Variants in CDK14 observed in about 807,000 individuals in gnomAD.
CDK14 encodes cyclin-dependent kinase 14.
A neutral mutation model predicts 60.7 loss-of-function variants in CDK14; 34 were observed. The ratio of observed to expected loss-of-function variants is 0.56; its 90% CI spans 0.43 to 0.75. CDK14 has a LOEUF of 0.75. Among genes scored for constraint, CDK14 ranks in the 30% least tolerant of loss-of-function variants. CDK14 has a pLI of 0.00. For synonymous variants in CDK14, 197 were observed against 203.7 expected, an observed-to-expected ratio of 0.97 and a Z score of 0.28; for missense variants, 482 against 564.1, an observed-to-expected ratio of 0.85 and a Z score of 1.47.
intron 12 of CDK14, among the ~76,000 whole-genome samples, chr7:91,082,547 G>A (rs896295768): frequency 6.6e-6 from 1 of 152,058 alleles, no homozygotes; most frequent in Non-Finnish European, 1.5e-5. Flanking sequence ...TTTAAACAAA[G>A]GTACCTTTCT....
In CDK14 at chr7:91,076,696, A is replaced by G. The variant is rs189042779; in HGVS notation, c.1106-2736A>G. 7.2e-5 allele frequency among the ~76,000 whole-genome samples: 11 copies of G among 152,268 alleles called. No individual in the cohort carries two copies. In the East Asian group the frequency reaches 1.9e-3, roughly 27 times the overall value. On this transcript the variant is annotated intron_variant, in intron 11 of 14. Coordinates refer to ENST00000380050, the MANE Select transcript of CDK14 (RefSeq NM_001287135.2). The stretch of plus-strand genomic sequence containing the variant: ...GCTTCTGCACAGCAAAAGAATGAAT[A>G]GAGTGAACAGAATGAACAGGCAACA...
intron 2 of CDK14, among the ~76,000 whole-genome samples, chr7:90,688,109 G>A (rs920523024): frequency 9.8e-5 from 15 of 152,306 alleles, no homozygotes; most frequent in African/African-American, 3.4e-4. Flanking sequence ...AAGGCTCTAA[G>A]GGAAGTATTA....
chr7:90,892,010 A>G (rs955073459), intron 6 of CDK14, among the ~76,000 whole-genome samples: 2 of 152,248 alleles, frequency 1.3e-5, no homozygotes, highest in African/African-American at 2.4e-5. Context: ...AAAGAGAAAC[A>G]TAAGCACTTA....
At chr7:91,075,717 C>T (rs923276525) in intron 11 of CDK14, among the ~76,000 whole-genome samples, 11 of 152,290 alleles carry the variant, frequency 7.2e-5, no homozygotes, top group African/African-American at 2.6e-4. Flanking sequence ...ATTTAGAAAA[C>T]CCTATTGTAT....
intron 6 of CDK14, among the ~76,000 whole-genome samples, chr7:90,893,423 G>A (rs763593622): frequency 6.6e-6 from 1 of 152,188 alleles, no homozygotes; most frequent in Non-Finnish European, 1.5e-5. Context: ...GAAATAGCCA[G>A]AGATCAAGCC....
chr7:91,034,070 T>G (rs1796841419), intron 10 of CDK14, among the ~76,000 whole-genome samples: 1 of 152,366 alleles, frequency 6.6e-6, no homozygotes, highest in African/African-American at 2.4e-5. Flanking sequence ...ATTTATTTGT[T>G]ATCCTCGACT....
At chr7:90,610,620 C>T (rs1799520178) in intron 2 of CDK14, among the ~76,000 whole-genome samples, 1 of 152,206 alleles carries the variant, frequency 6.6e-6, no homozygotes, top group African/African-American at 2.4e-5. Flanking sequence ...AGAGTTGGTT[C>T]TTTCAGAGGA....
chr7:90,922,072 TG>T (rs2117437245), intron 8 of CDK14, among the ~76,000 whole-genome samples: 1 of 152,298 alleles, frequency 6.6e-6, no homozygotes, highest in Admixed American at 6.5e-5. Flanking sequence ...ACATAGCCTC[TG>T]GATAAAAGCT....
intron 13 of CDK14, among the ~76,000 whole-genome samples, chr7:91,117,122 C>T (rs531159291): frequency 1.4e-5 from 2 of 147,696 alleles, no homozygotes; most frequent in African/African-American, 5.0e-5. Flanking sequence ...CAAAACTGAA[C>T]TCATCTTTCC....
At chr7:90,813,831 T>C (rs1237960485) in intron 5 of CDK14, among the ~76,000 whole-genome samples, 2 of 152,206 alleles carry the variant, frequency 1.3e-5, no homozygotes, top group Non-Finnish European at 2.9e-5. Flanking sequence ...ATCTGAGTTA[T>C]GGCATTGGTT....
chr7:91,097,524 A>AT (rs890709838), intron 12 of CDK14, among the ~76,000 whole-genome samples: 20 of 151,504 alleles, frequency 1.3e-4, no homozygotes, highest in Non-Finnish European at 2.2e-4. Context: ...CACTAATAAG[A>AT]TTTTTTTTTG....
chr7:90,665,569 AATG>A (rs1228349247), intron 2 of CDK14, among the ~76,000 whole-genome samples: 2 of 152,202 alleles, frequency 1.3e-5, no homozygotes, highest in Admixed American at 1.3e-4. Flanking sequence ...CAATAGGAGA[AATG>A]ATGATAGAGT....
At chr7:91,182,371 T>G (rs182546500) in intron 14 of CDK14, among the ~76,000 whole-genome samples, 7 of 151,114 alleles carry the variant, frequency 4.6e-5, no homozygotes, top group Admixed American at 6.6e-5. Context: ...GATAGATAGG[T>G]TTTTTTTTCT....
intron 5 of CDK14, among the ~76,000 whole-genome samples, chr7:90,807,007 G>GGGCT (rs763560981): frequency 1.3e-5 from 2 of 152,216 alleles, no homozygotes; most frequent in East Asian, 3.9e-4. Flanking sequence ...AGCTCAAGGA[G>GGGCT]GCCTGCCTGC....
At chr7:90,726,279 C>T in intron 2 of CDK14, 4 of 982,094 alleles carry the variant, frequency 4.1e-6, no homozygotes, top group Non-Finnish European at 3.6e-6. Context: ...AAACGTGTGA[C>T]AGAGTTCAAG....
intron 8 of CDK14, among the ~76,000 whole-genome samples, chr7:90,937,349 C>G (rs1793786625): frequency 6.6e-6 from 1 of 151,984 alleles, no homozygotes; most frequent in East Asian, 1.9e-4. Context: ...CTTTTTATTG[C>G]ATTATATTTT....
At chr7:91,126,426 A>G (rs1247204022) in intron 14 of CDK14, among the ~76,000 whole-genome samples, 2 of 152,172 alleles carry the variant, frequency 1.3e-5, no homozygotes, top group East Asian at 3.9e-4. Flanking sequence ...CCTGAGAAAA[A>G]AAGAGGTTCT....
intron 11 of CDK14, among the ~76,000 whole-genome samples, chr7:91,057,229 A>G (rs538237241): frequency 3.5e-4 from 53 of 152,244 alleles, no homozygotes; most frequent in African/African-American, 1.2e-3. Flanking sequence ...GTCTGTTCAT[A>G]TCCTTCGCCC....
At chr7:90,806,489 T>G (rs1405010925) in intron 5 of CDK14, among the ~76,000 whole-genome samples, 1 of 152,182 alleles carries the variant, frequency 6.6e-6, no homozygotes, top group Non-Finnish European at 1.5e-5. Context: ...AATATATGAA[T>G]GGCGAAGATG....
Sources: gnomAD v4.1 joint callset for allele counts (sites outside exome capture counted in the v4.1 genomes callset) on GRCh38, gnomAD v4.1.1 for gene constraint, MANE v1.5 for transcripts, NCBI Gene and HGNC (gene_info 2026-07-23, HGNC 2026-07-21) for gene names.